MAPRE2: variants seen among roughly 807,000 people sequenced by gnomAD.
MAPRE2 encodes microtubule associated protein RP/EB family member 2.
In MAPRE2, 13 loss-of-function variants were observed where a neutral mutation model predicts 43.2. That is an observed-to-expected ratio of 0.30 (90% CI 0.20 to 0.48). The LOEUF is 0.48. Ranked by LOEUF, MAPRE2 falls within the 20% of genes least tolerant of loss-of-function variation. MAPRE2 has a pLI of 0.99. For missense variants in MAPRE2, 161 were observed against 400.2 expected, an observed-to-expected ratio of 0.40 and a Z score of 5.10; for synonymous variants, 135 against 148.8, an observed-to-expected ratio of 0.91 and a Z score of 0.68.
At chr18:35,077,436 C>T (rs1907423883) in intron 2 of MAPRE2, among the ~76,000 whole-genome samples, 1 of 152,208 alleles carries the variant, frequency 6.6e-6, no homozygotes, top group African/African-American at 2.4e-5. Context: ...ATCTACCCTA[C>T]TATAGTAAGA....
chr18:35,098,776 G>T (rs1400671288), intron 3 of MAPRE2, among the ~76,000 whole-genome samples: 1 of 152,120 alleles, frequency 6.6e-6, no homozygotes, highest in African/African-American at 2.4e-5. Context: ...GTTTATTGAT[G>T]GAACTTGTCA....
intron 6 of MAPRE2, among the ~76,000 whole-genome samples, chr18:35,133,903 CA>C (rs955862963): frequency 2.6e-5 from 4 of 152,120 alleles, no homozygotes; most frequent in Admixed American, 1.3e-4. Flanking sequence ...CACCCGACCC[CA>C]CACACACATA....
chr18:35,139,721 C>T (rs1473122525), intron 6 of MAPRE2, among the ~76,000 whole-genome samples: 3 of 152,202 alleles, frequency 2.0e-5, no homozygotes, highest in African/African-American at 4.8e-5. Context: ...GAACCTCTAA[C>T]ACTGCTGCTC....
intron 1 of MAPRE2, among the ~76,000 whole-genome samples, chr18:35,044,202 C>G (rs1905504862): frequency 6.6e-6 from 1 of 152,032 alleles, no homozygotes; most frequent in Admixed American, 6.6e-5. Context: ...CTAGGTAGGC[C>G]CCCGAACAGG....
At chr18:35,043,565 G>A (rs1905470083) in intron 1 of MAPRE2, among the ~76,000 whole-genome samples, 1 of 152,086 alleles carries the variant, frequency 6.6e-6, no homozygotes, top group Admixed American at 6.5e-5. Context: ...TAAATTATTT[G>A]CAGTTTGCTT....
Position 34,977,774 on chromosome 18 carries a change from G to A in MAPRE2, c.-70+695G>A, listed in dbSNP as rs577479593. Among the ~76,000 whole-genome samples the A allele has an allele frequency of 1.3e-3, 192 of 152,184 alleles. 4 individuals are homozygous for A. Among genetic ancestry groups the A allele is most frequent in the African/African-American group, 4.4e-3 (182 of 41,572 alleles). ...GCAGGGAGCCCCGGGAGCGCAGGGC[G>A]AGGGCTACTCAGCGACTTCGCACTC... On this transcript the variant is annotated intron_variant, in intron 1 of 7. Transcript: ENST00000413393.
In MAPRE2 at chr18:35,048,285, C is replaced by T. The variant is rs533308512; in HGVS notation, c.122+6624C>T. Among the ~76,000 whole-genome samples the T allele has an allele frequency of 9.2e-5, 14 of 152,122 alleles. 1 individual carries two copies. The highest frequency in any genetic ancestry group is 2.2e-4 in the African/African-American group (9 of 41,484). On this transcript the variant is annotated intron_variant, in intron 1 of 6. Transcript: ENST00000300249. The stretch of plus-strand genomic sequence containing the variant: ...GGACAGCATCGAGCTATGAGGGACC[C>T]GACCCCATGACCCAAACACCTCCTA...
intron 6 of MAPRE2, among the ~76,000 whole-genome samples, chr18:35,134,288 C>A (rs1477734054): frequency 2.6e-5 from 4 of 152,188 alleles, no homozygotes; most frequent in Non-Finnish European, 5.9e-5. Flanking sequence ...TTTATGTTCT[C>A]CCTTCTCCAA....
At chr18:34,981,940 A>G (rs1409940272) in intron 1 of MAPRE2, among the ~76,000 whole-genome samples, 2 of 142,274 alleles carry the variant, frequency 1.4e-5, no homozygotes, top group South Asian at 2.2e-4. Flanking sequence ...GCTGGAGTGC[A>G]GTGGCGCCAT....
At chr18:35,011,913 G>A (rs77594848) in intron 2 of MAPRE2, among the ~76,000 whole-genome samples, 12 of 152,120 alleles carry the variant, frequency 7.9e-5, no homozygotes, top group East Asian at 3.9e-4. Context: ...GAATACAGCC[G>A]GAGGAGGTGC....
In MAPRE2 at chr18:35,041,435, C is replaced by A. The variant is rs1244096263; in HGVS notation, c.-105C>A. The A allele has an allele frequency of 8.1e-5, 128 of 1,580,570 alleles. No homozygotes were observed. Among genetic ancestry groups the A allele is most frequent in the Non-Finnish European group, 1.1e-4 (128 of 1,162,966 alleles). ...TGGGAGAAGGCAGTGAGCGAGCAGGCGGCAGGCACGGTCCGTGCGGAGCAG... is the reference window on the plus strand; with the variant it reads ...TGGGAGAAGGCAGTGAGCGAGCAGGAGGCAGGCACGGTCCGTGCGGAGCAG... On this transcript the variant is annotated 5_prime_UTR_variant, in exon 1 of 7. Transcript: ENST00000300249.
intron 4 of MAPRE2, among the ~76,000 whole-genome samples, chr18:35,107,318 A>G (rs1908955513): frequency 6.6e-6 from 1 of 152,206 alleles, no homozygotes; most frequent in African/African-American, 2.4e-5. Context: ...GTGTTTTTCA[A>G]GAACATTGTT....
chr18:35,077,957 G>T (rs540864060), intron 2 of MAPRE2, among the ~76,000 whole-genome samples: 2 of 152,228 alleles, frequency 1.3e-5, no homozygotes, highest in East Asian at 3.9e-4. Context: ...TTATATGATG[G>T]ATATGTTCCT....
intron 2 of MAPRE2, among the ~76,000 whole-genome samples, chr18:35,020,598 G>A (rs974305732): frequency 6.6e-6 from 1 of 151,520 alleles, no homozygotes; most frequent in Non-Finnish European, 1.5e-5. Context: ...TTTGTATACT[G>A]ATATTATTGC....
intron 2 of MAPRE2, chr18:35,070,687 T>G (rs1348931935): frequency 6.3e-6 from 1 of 159,966 alleles, no homozygotes; most frequent in African/African-American, 2.4e-5. Flanking sequence ...GGGCTCCACG[T>G]TGTCCTCACT....
rs1441939863 is a variant in MAPRE2, at chr18:35,132,015, C to T, written c.751-17C>T. 20 of 1,612,426 alleles carry T rather than the reference C, an allele frequency of 1.2e-5. No homozygotes were observed. Among genetic ancestry groups the T allele is most frequent in the Admixed American group, 1.7e-5 (1 of 59,736 alleles). On this transcript the variant is annotated splice_polypyrimidine_tract_variant and intron_variant, in intron 5 of 6. Coordinates refer to ENST00000300249, the MANE Select transcript of MAPRE2 (RefSeq NM_014268.4). ...TATTTTGGGTGGTTTTTTTTCTTCA[C>T]TCTCACTCCCTTGCAGGTACATTCA...
At chr18:35,090,197 T>C (rs1908077080) in intron 2 of MAPRE2, among the ~76,000 whole-genome samples, 1 of 152,072 alleles carries the variant, frequency 6.6e-6, no homozygotes, top group Non-Finnish European at 1.5e-5. Flanking sequence ...GTAATAAATA[T>C]ATGCTGGAAT....
intron 2 of MAPRE2, among the ~76,000 whole-genome samples, chr18:35,084,314 A>G (rs186617511): frequency 2.2e-3 from 338 of 152,310 alleles, no homozygotes; most frequent in African/African-American, 7.7e-3. Flanking sequence ...TTTTTAAAAA[A>G]GTATTCTTGG....
At chr18:34,992,703 A>G (rs1404763709) in intron 1 of MAPRE2, among the ~76,000 whole-genome samples, 3 of 152,238 alleles carry the variant, frequency 2.0e-5, no homozygotes, top group African/African-American at 7.2e-5. Context: ...ATAGTCCATT[A>G]GCACATTGAA....
Sources: gnomAD v4.1 joint callset for allele counts (sites outside exome capture counted in the v4.1 genomes callset) on GRCh38, gnomAD v4.1.1 for gene constraint, MANE v1.5 for transcripts, NCBI Gene and HGNC (gene_info 2026-07-23, HGNC 2026-07-21) for gene names.